The following PLA2G2C variants were observed in gnomAD, a reference collection of about 807,000 sequenced individuals.
PLA2G2C encodes phospholipase A2 group IIC, also known as putative inactive group IIC secretory phospholipase A2.
Under a neutral mutation model 14.3 loss-of-function variants are expected in PLA2G2C, and 15 were observed. That is an observed-to-expected ratio of 1.05 (90% confidence interval 0.70 to 1.62). The LOEUF (loss-of-function observed/expected upper bound fraction) is 1.62, where lower values mean the gene tolerates loss of function less well. Among genes scored for constraint, PLA2G2C ranks in the 40% most tolerant of loss-of-function variants. The pLI is 0.00. For missense variants in PLA2G2C, 162 were observed against 173.2 expected (o/e 0.94, Z 0.36); for synonymous variants, 79 against 67.7 (o/e 1.17, Z -0.82).
intron 2 of PLA2G2C, among the ~76,000 whole-genome samples, chr1:20,176,690 G>A (rs11588698): frequency 0.15 from 22,592 of 152,178 alleles, 1,846 homozygotes; most frequent in African/African-American, 0.19. Context: ...AAGGAAGTCT[G>A]TTTTTGACAT....
chr1:20,179,204 C>T (rs1231525638), intron 1 of PLA2G2C, among the ~76,000 whole-genome samples: 1 of 136,812 alleles, frequency 7.3e-6, no homozygotes, highest in Non-Finnish European at 1.5e-5. Flanking sequence ...CCCTCTATGT[C>T]AGTTTCTCTG....
rs540356747 is a variant in PLA2G2C at position 20,165,792 on chromosome 1, G to A, written c.284-1635C>T. ...TGTATGTGCGTGCGCATGTGTGTGC[G>A]TGCATTGTGTGTTTGTGCGTGTGTG... On this transcript the variant is annotated intron_variant, in intron 4 of 4. Transcript: ENST00000679259. Among the ~76,000 whole-genome samples, 433 of 152,104 alleles carry A rather than the reference G, an allele frequency of 2.8e-3. 3 individuals carry two copies. Among genetic ancestry groups the A allele is most frequent in the Non-Finnish European group, 3.8e-3 (255 of 67,966 alleles).
intron 4 of PLA2G2C, among the ~76,000 whole-genome samples, chr1:20,166,995 A>G (rs1323901248): frequency 6.6e-6 from 1 of 152,208 alleles, no homozygotes; most frequent in Non-Finnish European, 1.5e-5. Flanking sequence ...GCATCTTTTA[A>G]TGTGCTAATG....
intron 1 of PLA2G2C, 57 bp downstream of exon 1, chr1:20,186,302 GC>G (rs2018391809): frequency 6.6e-6 from 1 of 152,288 alleles, no homozygotes; most frequent in Admixed American, 6.5e-5. Flanking sequence ...CGGGAGACAG[GC>G]GAGGAGCCTG....
At chr1:20,166,449 C>A (rs2017981387) in intron 4 of PLA2G2C, among the ~76,000 whole-genome samples, 1 of 152,188 alleles carries the variant, frequency 6.6e-6, no homozygotes, top group Non-Finnish European at 1.5e-5. Context: ...AAGATCCTTC[C>A]AGATGCATCA....
chr1:20,171,434 G>A (rs1432588789), intron 4 of PLA2G2C, among the ~76,000 whole-genome samples: 1 of 152,176 alleles, frequency 6.6e-6, no homozygotes, highest in African/African-American at 2.4e-5. Flanking sequence ...AGGGGTCCGA[G>A]CCCCCAACCC....
At chr1:20,169,956 G>A (rs915187466) in intron 4 of PLA2G2C, among the ~76,000 whole-genome samples, 2 of 152,292 alleles carry the variant, frequency 1.3e-5, no homozygotes, top group South Asian at 4.1e-4. Context: ...ACTGTGTGAG[G>A]GCCTCCAATC....
At chr1:20,179,463 T>C (rs1490653884) in intron 1 of PLA2G2C, among the ~76,000 whole-genome samples, 3 of 148,014 alleles carry the variant, frequency 2.0e-5, no homozygotes, top group African/African-American at 5.1e-5. Context: ...CCGTGTCAGC[T>C]TCTCCCTTGC....
chr1:20,165,766 GTGTATGTGCGTGCGCA>G (rs2017967181), intron 4 of PLA2G2C, among the ~76,000 whole-genome samples: 1 of 152,158 alleles, frequency 6.6e-6, no homozygotes, highest in African/African-American at 2.4e-5. Context: ...GTGCATGTGT[GTGTATGTGCGTGCGCA>G]TGTGTGTGCG....
At chr1:20,177,649 G>GTT (rs956338115) in intron 1 of PLA2G2C, among the ~76,000 whole-genome samples, 8 of 147,258 alleles carry the variant, frequency 5.4e-5, no homozygotes, top group African/African-American at 2.0e-4. Context: ...TGTTGGTTTG[G>GTT]TTTTTTTTTT....
chr1:20,164,622 C>T (rs530578040), intron 4 of PLA2G2C, among the ~76,000 whole-genome samples: 1 of 152,190 alleles, frequency 6.6e-6, no homozygotes, highest in Non-Finnish European at 1.5e-5. Flanking sequence ...TTTCCCAGAG[C>T]TCATCTCCTA....
At position 20,172,741 on chromosome 1, in the gene PLA2G2C, G is replaced by A. The variant is rs2018108248; in HGVS notation, c.283+53C>T. The stretch of plus-strand genomic sequence containing the variant: ...TCTCTGGGTCAAAGAGGAGGTGAAC[G>A]TTAAGGAAAGGCCCAGGTTAAAAGA... On this transcript the variant is annotated intron_variant, in intron 4 of 4. Transcript: ENST00000679259. The A allele has an allele frequency of 1.2e-5, 18 of 1,460,042 alleles. No individual in the cohort carries two copies. The Middle Eastern group carries it at 5.3e-4, about 43-fold the overall frequency. 90.4% of individuals were successfully genotyped at this position (1,460,042 alleles called of 1,614,324 possible). A position where few individuals can be genotyped will look rare whatever the true frequency, so the allele number is the denominator to read the frequency against.
intron 2 of PLA2G2C, 45 bp from the exon 3 acceptor site, chr1:20,175,190 A>G (rs2018161598): frequency 6.2e-7 from 1 of 1,613,704 alleles, no homozygotes. Context: ...AGTTGCAATG[A>G]GCATGATGCT....
intron 3 of PLA2G2C, among the ~76,000 whole-genome samples, chr1:20,174,169 G>T (rs187273344): frequency 6.6e-6 from 1 of 152,238 alleles, no homozygotes; most frequent in East Asian, 1.9e-4. Context: ...TCCTCCCATG[G>T]TTCCATGAGC....
intron 1 of PLA2G2C, among the ~76,000 whole-genome samples, chr1:20,179,431 C>T (rs1054005741): frequency 6.6e-6 from 1 of 150,724 alleles, no homozygotes; most frequent in African/African-American, 2.4e-5. Context: ...AGGTCAGCTT[C>T]TCTGTGTGTG....
chr1:20,176,401 T>C (rs539273368), intron 2 of PLA2G2C, among the ~76,000 whole-genome samples: 1 of 152,326 alleles, frequency 6.6e-6, no homozygotes, highest in African/African-American at 2.4e-5. Context: ...TTTTTAACTA[T>C]AAGCATGTAG....
chr1:20,167,984 T>A (rs912900049), intron 4 of PLA2G2C, among the ~76,000 whole-genome samples: 11 of 152,244 alleles, frequency 7.2e-5, no homozygotes, highest in African/African-American at 2.7e-4. Context: ...TCTCTTGTTC[T>A]TTTTGGAACA....
At chr1:20,168,244 C>T (rs555828224) in intron 4 of PLA2G2C, among the ~76,000 whole-genome samples, 115 of 152,356 alleles carry the variant, frequency 7.5e-4, no homozygotes, top group South Asian at 4.1e-4. Context: ...GATAAAGATA[C>T]GTGCACTGCC....
chr1:20,163,533 C>T lies in PLA2G2C; in HGVS notation c.*458G>A, dbSNP rs2017906632. On this transcript the variant is annotated 3_prime_UTR_variant, in exon 5 of 5. Coordinates refer to ENST00000679259, the MANE Select transcript of PLA2G2C (RefSeq NM_001367969.2). Reference sequence around the variant, plus strand: ...GTTGCCAGCTAGAGCTGGGCATGGGCCTGGCGCTCAAGTCTGCTCTGTGTC... The same window carrying T: ...GTTGCCAGCTAGAGCTGGGCATGGGTCTGGCGCTCAAGTCTGCTCTGTGTC... The T allele has an allele frequency of 1.3e-5, 2 of 153,342 alleles. No individual in the cohort carries two copies. Among genetic ancestry groups the T allele is most frequent in the East Asian group, 1.9e-4 (1 of 5,192 alleles). The allele number at this position is 153,342 out of a possible 1,614,324, so 9.5% of individuals were successfully genotyped here. A position where few individuals can be genotyped will look rare whatever the true frequency, so the allele number is the denominator to read the frequency against.
Sources: allele counts gnomAD v4.1 joint callset (sites outside exome capture counted in the v4.1 genomes callset), GRCh38; gene constraint gnomAD v4.1.1; transcripts MANE v1.5; gene names NCBI Gene and HGNC (gene_info 2026-07-23, HGNC 2026-07-21).